Variants in PCDHA6 observed in about 807,000 individuals in gnomAD.
The protein encoded by PCDHA6 is protocadherin alpha-6.
A neutral mutation model predicts 60.3 loss-of-function variants in PCDHA6; 55 were observed. The observed-to-expected ratio is 0.91, with a 90% CI of 0.73 to 1.14. The LOEUF (loss-of-function observed/expected upper bound fraction) is 1.14. PCDHA6 is among the 50% of genes most tolerant of loss of function. The pLI is 0.00. For missense variants in PCDHA6, 1,327 were observed against 1,256.5 expected (o/e 1.06, Z -0.85); for synonymous variants, 652 against 557.9 (o/e 1.17, Z -2.38).
Position 140,831,498 on chromosome 5 carries a change from C to A in PCDHA6, c.2394+1013C>A, listed in dbSNP as rs2150195161. Among the ~76,000 whole-genome samples the A allele has an allele frequency of 1.9e-3, 206 of 108,418 alleles. 1 individual carries two copies. Among genetic ancestry groups the A allele is most frequent in the Non-Finnish European group, 1.4e-3 (75 of 52,794 alleles). The allele number at this position is 108,418 out of a possible 152,430, so 71.1% of individuals were successfully genotyped here. ...CCTCAGCCTCTGGAGTTACTACACACGAGCACCACCATGCCCCCCACCTTT... is the reference window on the plus strand; with the variant it reads ...CCTCAGCCTCTGGAGTTACTACACAAGAGCACCACCATGCCCCCCACCTTT... On this transcript the variant is annotated intron_variant, in intron 1 of 3. Transcript: ENST00000529310.
intron 1 of PCDHA6, among the ~76,000 whole-genome samples, chr5:140,920,911 G>C (rs1290667252): frequency 6.6e-6 from 1 of 150,718 alleles, no homozygotes; most frequent in African/African-American, 2.4e-5. Context: ...TCTCAAATCA[G>C]TTCCAAGAGT....
At chr5:140,882,839 T>C (rs1554175751) in intron 1 of PCDHA6, 1 of 1,614,218 alleles carries the variant, frequency 6.2e-7, no homozygotes, top group South Asian at 1.1e-5. Flanking sequence ...GCAAATGTCT[T>C]CATTATCACT....
At chr5:140,960,629 A>C (rs1370416431) in intron 1 of PCDHA6, among the ~76,000 whole-genome samples, 1 of 152,192 alleles carries the variant, frequency 6.6e-6, no homozygotes, top group Admixed American at 6.5e-5. Flanking sequence ...TTTGAAATAT[A>C]TTTTTAAAAC....
At chr5:140,996,173 A>G (rs2097715399) in intron 3 of PCDHA6, among the ~76,000 whole-genome samples, 1 of 152,236 alleles carries the variant, frequency 6.6e-6, no homozygotes, top group Non-Finnish European at 1.5e-5. Flanking sequence ...ATGTGCTGAC[A>G]GCACCTCCAT....
intron 2 of PCDHA6, among the ~76,000 whole-genome samples, chr5:140,979,312 C>G (rs1419194517): frequency 1.3e-5 from 2 of 152,166 alleles, no homozygotes; most frequent in Admixed American, 6.5e-5. Flanking sequence ...CCCTCTCTAC[C>G]TATGCTTTCT....
At chr5:140,997,792 T>C (rs1279010273) in intron 3 of PCDHA6, among the ~76,000 whole-genome samples, 1 of 152,160 alleles carries the variant, frequency 6.6e-6, no homozygotes, top group African/African-American at 2.4e-5. Context: ...TATATTATAA[T>C]TTATCCAATT....
intron 1 of PCDHA6, chr5:140,858,649 AT>A: frequency 1.2e-6 from 1 of 824,582 alleles, no homozygotes; most frequent in East Asian, 2.7e-5. Flanking sequence ...TGGTACTTAA[AT>A]TTTTTTAAAT....
At chr5:140,856,553 T>TAC (rs1455018619) in intron 1 of PCDHA6, 2 of 1,598,066 alleles carry the variant, frequency 1.3e-6, no homozygotes, top group African/African-American at 2.7e-5. Flanking sequence ...ATTGCTTACT[T>TAC]ACAAACTCAG....
intron 3 of PCDHA6, among the ~76,000 whole-genome samples, chr5:140,994,545 A>T (rs1397619431): frequency 2.6e-5 from 4 of 152,074 alleles, no homozygotes; most frequent in African/African-American, 9.7e-5. Flanking sequence ...TCTACAAAAA[A>T]AATATAAAAA....
intron 1 of PCDHA6, chr5:140,869,390 G>A: frequency 1.2e-6 from 2 of 1,614,230 alleles, no homozygotes; most frequent in Non-Finnish European, 1.7e-6. Flanking sequence ...GAGGAGCTGT[G>A]CGGGCAGAGC....
chr5:140,982,413 G>A, intron 2 of PCDHA6, 62 bp from the exon 3 acceptor site: 2 of 1,609,608 alleles, frequency 1.2e-6, no homozygotes, highest in Non-Finnish European at 1.7e-6. Flanking sequence ...TTCTGAGGGT[G>A]GAAGAAGAGA....
At chr5:140,943,501 T>C (rs1235998322) in intron 1 of PCDHA6, among the ~76,000 whole-genome samples, 1 of 152,088 alleles carries the variant, frequency 6.6e-6, no homozygotes, top group Non-Finnish European at 1.5e-5. Flanking sequence ...GCTATCAAGG[T>C]TCATGGAAAT....
intron 1 of PCDHA6, among the ~76,000 whole-genome samples, chr5:140,956,370 A>G (rs1229960310): frequency 6.6e-6 from 1 of 152,152 alleles, no homozygotes; most frequent in East Asian, 1.9e-4. Context: ...GGGATGTTGA[A>G]TTTTATCGAA....
At chr5:140,968,961 A>G (rs1554231270) in intron 1 of PCDHA6, 1 of 1,614,088 alleles carries the variant, frequency 6.2e-7, no homozygotes, top group African/African-American at 1.3e-5. Context: ...ATCAAGTGCT[A>G]CCGCTACACT....
chr5:140,829,714 C>A lies in PCDHA6; in HGVS notation c.1623C>A (p.Gly541=), dbSNP rs1316878813. Residue 541 remains glycine, a synonymous_variant, in exon 1 of 4, where the codon GGC becomes GGA. Coordinates refer to ENST00000529310, the MANE Select transcript of PCDHA6 (RefSeq NM_018909.4). ...TTCAGGTGAGCGCGCGCGACGCGGG[C>A]GTGCCGCCTCTGGGCAGCAACGTGA... is the stretch of plus-strand genomic sequence containing the variant. ...LQFQVSARDA[G]VPPLGSNVTL... 14 of 1,613,308 alleles carry A rather than the reference C, an allele frequency of 8.7e-6. No homozygotes were observed. The highest frequency in any genetic ancestry group is 1.7e-5 in the Admixed American group (1 of 59,986).
At chr5:140,940,499 G>T (rs190058542) in intron 1 of PCDHA6, among the ~76,000 whole-genome samples, 3 of 151,756 alleles carry the variant, frequency 2.0e-5, no homozygotes, top group Non-Finnish European at 4.4e-5. Flanking sequence ...GTCTTGCTCC[G>T]TCGCTCAGGC....
intron 1 of PCDHA6, among the ~76,000 whole-genome samples, chr5:140,977,050 G>A (rs546385020): frequency 6.6e-6 from 1 of 152,162 alleles, no homozygotes; most frequent in Non-Finnish European, 1.5e-5. Context: ...TGTTGCTGAT[G>A]GACTAGTATA....
intron 1 of PCDHA6, chr5:140,857,181 C>G (rs2044400350): frequency 6.3e-7 from 1 of 1,598,486 alleles, no homozygotes; most frequent in East Asian, 2.2e-5. Flanking sequence ...GACCATGATT[C>G]AGGAGCCAAC....
intron 1 of PCDHA6, among the ~76,000 whole-genome samples, chr5:140,948,147 A>T (rs2094217534): frequency 6.6e-6 from 1 of 151,572 alleles, no homozygotes; most frequent in African/African-American, 2.4e-5. Context: ...TGATTTTTGA[A>T]TGTTGGAAAA....
Sources: allele counts gnomAD v4.1 joint callset (sites outside exome capture counted in the v4.1 genomes callset), GRCh38; gene constraint gnomAD v4.1.1; transcripts MANE v1.5; gene names NCBI Gene and HGNC (gene_info 2026-07-23, HGNC 2026-07-21).